SAMD3: variants seen among roughly 807,000 people sequenced by gnomAD.
The protein encoded by SAMD3 is sterile alpha motif domain containing 3.
Under a neutral mutation model 58.5 loss-of-function variants are expected in SAMD3, and 63 were observed. That is an observed-to-expected ratio of 1.08 (90% CI 0.88 to 1.33). The LOEUF is 1.33. Ranked by LOEUF, SAMD3 falls within the 40% of genes most tolerant of loss-of-function variation. The pLI, the probability that SAMD3 is intolerant of heterozygous loss-of-function variation, is 0.00. For missense variants in SAMD3, 604 were observed against 608.4 expected, an observed-to-expected ratio of 0.99 and a Z score of 0.08; for synonymous variants, 220 against 210.3, an observed-to-expected ratio of 1.05 and a Z score of -0.40.
intron 1 of SAMD3, among the ~76,000 whole-genome samples, chr6:130,361,635 T>C (rs1293337944): frequency 1.3e-5 from 2 of 152,248 alleles, no homozygotes; most frequent in Non-Finnish European, 2.9e-5. Flanking sequence ...CTCTAGATCA[T>C]GATTATGGAT....
Position 130,215,192 on chromosome 6 carries a change from C to G in SAMD3, c.79+3G>C. The G allele has an allele frequency of 6.5e-7, 1 of 1,548,168 alleles. No individual in the cohort carries two copies. Among genetic ancestry groups the G allele is most frequent in the Non-Finnish European group, 8.9e-7 (1 of 1,122,188 alleles). On this transcript the variant is annotated splice_donor_region_variant and intron_variant, in intron 3 of 11. Coordinates refer to ENST00000439090, the MANE Select transcript of SAMD3 (RefSeq NM_001017373.4). ...AAATTTTTGGAAAGCATAAACAACT[C>G]ACCTTGAAATCTATGAACTAGCTCT...
At chr6:130,255,115 T>C (rs1346347885) in intron 2 of SAMD3, among the ~76,000 whole-genome samples, 1 of 152,240 alleles carries the variant, frequency 6.6e-6, no homozygotes, top group Non-Finnish European at 1.5e-5. Flanking sequence ...CCACAATTCC[T>C]CTTGTTATTG....
At chr6:130,265,208 C>T (rs1306261431) in intron 2 of SAMD3, among the ~76,000 whole-genome samples, 1 of 152,180 alleles carries the variant, frequency 6.6e-6, no homozygotes, top group Admixed American at 6.5e-5. Flanking sequence ...TATCAGAGAG[C>T]CCAGTTGAAC....
Position 130,144,452 on chromosome 6 carries a change from T to G in SAMD3, c.*68A>C. On this transcript the variant is annotated 3_prime_UTR_variant, in exon 12 of 12. Coordinates refer to ENST00000439090, the MANE Select transcript of SAMD3 (RefSeq NM_001017373.4). ...TACCTACCTCTACCACAACCCTAAA[T>G]CAAAACAATTTCTTATGAAGCTTCA... is the stretch of plus-strand genomic sequence containing the variant. 1 of 1,510,896 alleles carries G rather than the reference T, an allele frequency of 6.6e-7. No homozygotes were observed. Among genetic ancestry groups the G allele is most frequent in the Non-Finnish European group, 9.0e-7 (1 of 1,116,416 alleles). The allele number at this position is 1,510,896 out of a possible 1,614,324, so 93.6% of individuals were successfully genotyped here. A position where few individuals can be genotyped will look rare whatever the true frequency, so the allele number is the denominator to read the frequency against.
intron 5 of SAMD3, among the ~76,000 whole-genome samples, chr6:130,185,949 G>C (rs1330009516): frequency 6.6e-6 from 1 of 151,964 alleles, no homozygotes; most frequent in Non-Finnish European, 1.5e-5. Flanking sequence ...ACTTTAAATG[G>C]GTGAACTTTA....
intron 8 of SAMD3, among the ~76,000 whole-genome samples, chr6:130,174,804 T>G (rs982546575): frequency 6.6e-6 from 1 of 152,252 alleles, no homozygotes; most frequent in Non-Finnish European, 1.5e-5. Context: ...TTGACTGACC[T>G]ATTATTTTGA....
At chr6:130,348,461 A>G (rs564551863) in intron 1 of SAMD3, among the ~76,000 whole-genome samples, 4 of 152,322 alleles carry the variant, frequency 2.6e-5, no homozygotes, top group Non-Finnish European at 4.4e-5. Flanking sequence ...TAAACCAACA[A>G]AGATCAAAAG....
At chr6:130,292,566 C>A (rs947664829) in intron 2 of SAMD3, among the ~76,000 whole-genome samples, 1 of 151,782 alleles carries the variant, frequency 6.6e-6, no homozygotes, top group Non-Finnish European at 1.5e-5. Context: ...GGATTCCAGG[C>A]GTGTGTCACC....
intron 5 of SAMD3, among the ~76,000 whole-genome samples, chr6:130,207,877 C>G (rs1170033354): frequency 6.6e-6 from 1 of 152,128 alleles, no homozygotes; most frequent in African/African-American, 2.4e-5. Context: ...AGAGGAGAGC[C>G]CAGAGCCAAA....
chr6:130,183,114 T>G (rs1329803811), intron 7 of SAMD3: 1 of 314,138 alleles, frequency 3.2e-6, no homozygotes, highest in Non-Finnish European at 6.2e-6. Context: ...AACAGCAAAC[T>G]TTGTGTTGAA....
chr6:130,339,477 A>G (rs1777205998), intron 1 of SAMD3, among the ~76,000 whole-genome samples: 1 of 152,008 alleles, frequency 6.6e-6, no homozygotes, highest in Non-Finnish European at 1.5e-5. Context: ...TTCTCATGAG[A>G]CCTGATGGTT....
intron 2 of SAMD3, among the ~76,000 whole-genome samples, chr6:130,267,319 C>T (rs1282085296): frequency 7.9e-5 from 12 of 152,142 alleles, no homozygotes. Flanking sequence ...CTTACTGCTC[C>T]CTTGTTTGCT....
Position 130,261,312 on chromosome 6 carries a change from G to A in SAMD3, c.-187-38499C>T, listed in dbSNP as rs907289521. ...GAAGCGTGGCCTGATCACCCACGGC[G>A]TGCCTTTATCGGCACTTTGGTTTTG... On this transcript the variant is annotated intron_variant, in intron 2 of 13. Coordinates refer to the SAMD3 transcript ENST00000368134. Among the ~76,000 whole-genome samples, 15 of 123,672 alleles carry A rather than the reference G, an allele frequency of 1.2e-4. 2 individuals carry two copies. The highest frequency in any genetic ancestry group is 2.8e-4 in the South Asian group (1 of 3,584). The allele number at this position is 123,672 out of a possible 152,430, so 81.1% of individuals were successfully genotyped here.
At chr6:130,197,370 G>A (rs1209896674) in intron 5 of SAMD3, among the ~76,000 whole-genome samples, 3 of 152,222 alleles carry the variant, frequency 2.0e-5, no homozygotes, top group Admixed American at 2.0e-4. Context: ...AGCCATCACA[G>A]CTGATATTTC....
chr6:130,200,102 C>T (rs1019799400), intron 5 of SAMD3, among the ~76,000 whole-genome samples: 1 of 151,148 alleles, frequency 6.6e-6, no homozygotes, highest in Non-Finnish European at 1.5e-5. Context: ...AAAAACAAAG[C>T]AGAAAAAAAA....
At position 130,215,208 on chromosome 6, in the gene SAMD3, A is replaced by G. The variant is rs1323196636; in HGVS notation, c.66T>C (p.Val22=). The G allele has an allele frequency of 1.9e-6, 3 of 1,596,198 alleles. No homozygotes were observed. Among genetic ancestry groups the G allele is most frequent in the Non-Finnish European group, 2.6e-6 (3 of 1,164,436 alleles). ...TAAACAACTCACCTTGAAATCTATG[A>G]ACTAGCTCTCCTAAATTTTTCTCCA... ...WLVEKNLGEL[V]HRFQEEEVSG... is the part of the protein sequence containing the mutation. Residue 22 remains valine (V), a synonymous_variant, in exon 3 of 12, where the codon GTT becomes GTC. Coordinates refer to ENST00000439090, the MANE Select transcript of SAMD3 (RefSeq NM_001017373.4).
At chr6:130,199,445 CA>C (rs1351291751) in intron 5 of SAMD3, among the ~76,000 whole-genome samples, 1 of 152,152 alleles carries the variant, frequency 6.6e-6, no homozygotes, top group Non-Finnish European at 1.5e-5. Flanking sequence ...AGGAAGAAGC[CA>C]GGGGAGGCTT....
At chr6:130,172,520 G>A (rs2114656433) in intron 8 of SAMD3, among the ~76,000 whole-genome samples, 1 of 152,276 alleles carries the variant, frequency 6.6e-6, no homozygotes, top group South Asian at 2.1e-4. Flanking sequence ...CTTTAAGAAT[G>A]TTGAATATTG....
At chr6:130,217,141 ATATAGT>A (rs1179428465) in intron 1 of SAMD3, among the ~76,000 whole-genome samples, 1 of 152,238 alleles carries the variant, frequency 6.6e-6, no homozygotes, top group East Asian at 1.9e-4. Flanking sequence ...ATAAAAAAGC[ATATAGT>A]TTTTGCCTAG....
Sources: allele counts gnomAD v4.1 joint callset (sites outside exome capture counted in the v4.1 genomes callset), GRCh38; gene constraint gnomAD v4.1.1; transcripts MANE v1.5; gene names NCBI Gene and HGNC (gene_info 2026-07-23, HGNC 2026-07-21).